MCU: variants seen among roughly 807,000 people sequenced by gnomAD.
MCU encodes the protein calcium uniporter protein, mitochondrial.
MCU carries 12 observed loss-of-function variants against 45.2 expected under a neutral mutation model. The ratio of observed to expected loss-of-function variants is 0.27; its 90% CI spans 0.17 to 0.43. MCU has a LOEUF of 0.43. MCU is among the 20% of genes least tolerant of loss of function. The pLI, the probability that MCU is intolerant of heterozygous loss-of-function variation, is 1.00. For missense variants in MCU, 324 were observed against 436.7 expected (o/e 0.74, Z 2.30); for synonymous variants, 160 against 165.1 (o/e 0.97, Z 0.24).
chr10:72,756,006 G>C (rs940955102), intron 1 of MCU, among the ~76,000 whole-genome samples: 1 of 152,040 alleles, frequency 6.6e-6, no homozygotes, highest in African/African-American at 2.4e-5. Context: ...ACCATACCCA[G>C]CTAATTGTTT....
At chr10:72,699,608 T>A (rs1273383048) in intron 1 of MCU, among the ~76,000 whole-genome samples, 13 of 151,188 alleles carry the variant, frequency 8.6e-5, no homozygotes, top group African/African-American at 1.7e-4. Context: ...TTTTTTTTTT[T>A]ATTGAGATGG....
chr10:72,860,648 A>G (rs968827987), intron 4 of MCU, 121 bp downstream of exon 4: 3 of 710,424 alleles, frequency 4.2e-6, no homozygotes, highest in African/African-American at 3.5e-5. Flanking sequence ...TGAAAGTTTT[A>G]TATACAGATA....
chr10:72,792,694 T>A (rs1173601212), intron 1 of MCU, among the ~76,000 whole-genome samples: 1 of 112,798 alleles, frequency 8.9e-6, no homozygotes, highest in Non-Finnish European at 1.8e-5. Context: ...TAACTCTCCC[T>A]CTCCCCTCCC....
chr10:72,754,463 A>C (rs1843546020), intron 1 of MCU, among the ~76,000 whole-genome samples: 1 of 152,188 alleles, frequency 6.6e-6, no homozygotes, highest in Non-Finnish European at 1.5e-5. Flanking sequence ...TACAGATGAC[A>C]CTGGAGGCGG....
At chr10:72,797,225 T>A (rs1010640701) in intron 1 of MCU, among the ~76,000 whole-genome samples, 13 of 149,278 alleles carry the variant, frequency 8.7e-5, no homozygotes, top group African/African-American at 3.2e-4. Context: ...TATTTTATTT[T>A]ATTTTATTTT....
intron 1 of MCU, among the ~76,000 whole-genome samples, chr10:72,726,466 A>G (rs1843103374): frequency 6.6e-6 from 1 of 152,052 alleles, no homozygotes; most frequent in Admixed American, 6.6e-5. Context: ...ACTTTTGTTT[A>G]TTCAGCTGAT....
intron 1 of MCU, among the ~76,000 whole-genome samples, chr10:72,744,787 T>G (rs1279825746): frequency 6.6e-6 from 1 of 152,204 alleles, no homozygotes; most frequent in Non-Finnish European, 1.5e-5. Context: ...CCCTGCAGAG[T>G]TCTTACTGCC....
chr10:72,712,915 T>C (rs1258057824), intron 1 of MCU, among the ~76,000 whole-genome samples: 2 of 152,218 alleles, frequency 1.3e-5, no homozygotes, highest in East Asian at 3.8e-4. Flanking sequence ...AATGATTTGC[T>C]GTAGTGCATT....
chr10:72,853,323 CAACTTCTAGA>C (rs1250245740), intron 2 of MCU, among the ~76,000 whole-genome samples: 5 of 152,054 alleles, frequency 3.3e-5, no homozygotes, highest in Middle Eastern at 3.4e-3. Flanking sequence ...AAAAGAAATG[CAACTTCTAGA>C]GGTGAAAAAT....
At chr10:72,843,744 G>T (rs940806272) in intron 2 of MCU, among the ~76,000 whole-genome samples, 3 of 152,144 alleles carry the variant, frequency 2.0e-5, no homozygotes, top group Non-Finnish European at 4.4e-5. Context: ...GTACTATTTT[G>T]TATTCCGAAC....
At chr10:72,697,499 T>A (rs1407776117) in intron 1 of MCU, among the ~76,000 whole-genome samples, 2 of 145,494 alleles carry the variant, frequency 1.4e-5, no homozygotes, top group African/African-American at 5.2e-5. Flanking sequence ...AGTGGTGTAA[T>A]CTCGGTTCAC....
At chr10:72,709,796 G>C (rs1351908519) in intron 1 of MCU, among the ~76,000 whole-genome samples, 1 of 152,136 alleles carries the variant, frequency 6.6e-6, no homozygotes, top group African/African-American at 2.4e-5. Flanking sequence ...CAGGATTTTA[G>C]TGTAACATAT....
intron 1 of MCU, among the ~76,000 whole-genome samples, chr10:72,822,620 A>G (rs776389439): frequency 2.0e-5 from 3 of 152,326 alleles, no homozygotes; most frequent in East Asian, 3.9e-4. Flanking sequence ...CTTATAAGAG[A>G]AATGGAAATC....
chr10:72,692,742 A>G (rs1842639208), intron 1 of MCU: 3 of 1,318,378 alleles, frequency 2.3e-6, no homozygotes, highest in African/African-American at 3.0e-5. Context: ...TGTGTGTGCC[A>G]GGAGAGTGGC....
intron 1 of MCU, among the ~76,000 whole-genome samples, chr10:72,762,781 G>A (rs1843673193): frequency 6.6e-6 from 1 of 151,984 alleles, no homozygotes. Flanking sequence ...GATAGTGATA[G>A]TATAATGTCA....
Position 72,848,168 on chromosome 10 carries a change from G to T in MCU, c.221-11009G>T, listed in dbSNP as rs185154977. On this transcript the variant is annotated intron_variant, in intron 2 of 7. Coordinates refer to ENST00000373053, the MANE Select transcript of MCU (RefSeq NM_138357.3). ...ACTTTATGATGGATTTGTTGGAGTA[G>T]TAAATGCATTTTTTGACTTACAGTG... Among the ~76,000 whole-genome samples the T allele has an allele frequency of 2.4e-4, 37 of 152,286 alleles. No homozygotes were observed. The East Asian group carries it at 5.4e-3, about 22-fold the overall frequency.
At chr10:72,823,557 T>C (rs935632286) in intron 1 of MCU, among the ~76,000 whole-genome samples, 5 of 152,204 alleles carry the variant, frequency 3.3e-5, no homozygotes, top group Admixed American at 2.0e-4. Flanking sequence ...GATCTTCCCT[T>C]TTATACTGCA....
intron 1 of MCU, among the ~76,000 whole-genome samples, chr10:72,774,806 C>T (rs1843865917): frequency 6.6e-6 from 1 of 151,936 alleles, no homozygotes; most frequent in Non-Finnish European, 1.5e-5. Flanking sequence ...CAAAGAAGGG[C>T]ACCATATAAG....
chr10:72,859,911 C>A (rs1270822697), intron 3 of MCU: 1 of 152,322 alleles, frequency 6.6e-6, no homozygotes, highest in African/African-American at 2.4e-5. Flanking sequence ...TGCCCATTTA[C>A]CCTTCACCTG....
Sources: gnomAD v4.1 joint callset for allele counts (sites outside exome capture counted in the v4.1 genomes callset) on GRCh38, gnomAD v4.1.1 for gene constraint, MANE v1.5 for transcripts, NCBI Gene and HGNC (gene_info 2026-07-23, HGNC 2026-07-21) for gene names.